The following ARSD variants were observed in gnomAD, a reference collection of about 807,000 sequenced individuals.
ARSD encodes arylsulfatase D.
ARSD carries 21 observed loss-of-function variants against 32.6 expected under a neutral mutation model. The observed-to-expected ratio is 0.64, with a 90% CI of 0.46 to 0.93. The LOEUF (loss-of-function observed/expected upper bound fraction) is 0.93, where lower values mean the gene tolerates loss of function less well. Among genes scored for constraint, ARSD ranks in the 40% least tolerant of loss-of-function variants. The probability of loss-of-function intolerance (pLI) is 0.00; values close to 1 mark genes in which losing one functional copy is unlikely to be tolerated. For missense variants in ARSD, 454 were observed against 520.9 expected (o/e 0.87, Z 1.25); for synonymous variants, 224 against 237.4 (o/e 0.94, Z 0.52).
chrX:2,908,679 T>C (rs2088876249), intron 9 of ARSD, 42 bp downstream of exon 9: 1 of 1,150,954 alleles, frequency 8.7e-7, no homozygotes, highest in African/African-American at 1.8e-5. Flanking sequence ...TCCTATTGGC[T>C]GTTTCTCTGG....
At chrX:2,928,401 C>T (rs1332803522) in intron 1 of ARSD, among the ~76,000 whole-genome samples, 1 of 87,635 alleles carries the variant, frequency 1.1e-5, no homozygotes, top group Non-Finnish European at 2.2e-5. Flanking sequence ...TTGGGGGAGT[C>T]ACAGCCGTGC....
intron 5 of ARSD, 137 bp downstream of exon 5, chrX:2,917,667 T>G: frequency 1.7e-6 from 1 of 578,526 alleles, no homozygotes; most frequent in Non-Finnish European, 2.7e-6. Flanking sequence ...AGAACCTGTC[T>G]TCCTATGTTG....
Position 2,915,747 on chromosome X carries a change from A to C in ARSD, c.864-55T>G. 3 of 1,119,407 alleles carry C rather than the reference A, an allele frequency of 2.7e-6. No individual in the cohort carries two copies. In the Admixed American group the frequency reaches 7.2e-5, roughly 27 times the overall value. 92.3% of individuals were successfully genotyped at this position (1,119,407 alleles called of 1,213,427 possible). A position where few individuals can be genotyped will look rare whatever the true frequency, so the allele number is the denominator to read the frequency against. ...ACAGAATATACAGTACACCAAAGGG[A>C]CCCCTGCACCCATACGTTCACTCCA... On this transcript the variant is annotated intron_variant, in intron 5 of 9. Transcript: ENST00000381154.
Position 2,907,071 on chromosome X carries a change from C to T in ARSD, c.*200G>A, listed in dbSNP as rs1449110986. On this transcript the variant is annotated 3_prime_UTR_variant, in exon 10 of 10. Transcript: ENST00000381154. ...GGCGGAGGTTGCAGTGAGCAGAGAT[C>T]GTGCCATTGCATTCCAGCCTGAGGG... 4 of 403,718 alleles carry T rather than the reference C, an allele frequency of 9.9e-6. No homozygotes were observed. Among genetic ancestry groups the T allele is most frequent in the African/African-American group, 2.5e-5 (1 of 39,574 alleles). 33.3% of individuals were successfully genotyped at this position (403,718 alleles called of 1,213,427 possible). A position where few individuals can be genotyped will look rare whatever the true frequency, so the allele number is the denominator to read the frequency against.
rs778698348 is a variant in ARSD, at chrX:2,917,998, G to C, written c.669C>G (p.Phe223Leu). The change falls in exon 5 of 10, where the codon TTC (phenylalanine) becomes TTG (leucine). Residue 223 changes from phenylalanine (F) to leucine (L), a missense_variant. This residue lies in a region of ARSD where 271 missense variants were observed against 301.0 expected (regional missense o/e 0.90). Coordinates refer to ENST00000381154, the MANE Select transcript of ARSD (RefSeq NM_001669.4). ...CGGTGACTGCTCTCGCGGAGACAGA[G>C]AAGAAACCGCAGGTCTGGCCGGCAG... ...TLAAGQTCGF[F>L]SVSARAVTGM... is the part of the protein sequence containing the mutation. 8.3e-7 allele frequency: 1 copy of C among 1,209,577 alleles called. No individual in the cohort carries two copies. The highest frequency in any genetic ancestry group is 3.0e-5 in the East Asian group (1 of 33,714).
At chrX:2,912,669 A>G (rs769477384) in intron 6 of ARSD, among the ~76,000 whole-genome samples, 58 of 111,724 alleles carry the variant, frequency 5.2e-4, no homozygotes, top group Non-Finnish European at 8.8e-4. Context: ...TTTTTTAAAC[A>G]TAGTGCCGTG....
chrX:2,922,842 C>CAAAAAAAAAA (rs60380048), intron 2 of ARSD, among the ~76,000 whole-genome samples: 23 of 43,712 alleles, frequency 5.3e-4, no homozygotes, highest in East Asian at 8.4e-4. Flanking sequence ...GACCGTGTCT[C>CAAAAAAAAAA]AAAAAAAAAA....
Position 2,914,818 on chromosome X carries a change from G to A in ARSD, c.1000+738C>T, listed in dbSNP as rs376903369. On this transcript the variant is annotated intron_variant, in intron 6 of 9. Coordinates refer to ENST00000381154, the MANE Select transcript of ARSD (RefSeq NM_001669.4). ...TGTGCAGAATTAGACCAAGTAATTG[G>A]GAATACTGAAGAAGCAAATAAATGA... The A allele has an allele frequency of 1.5e-4, 150 of 1,014,521 alleles. No homozygotes were observed. The African/African-American group carries it at 2.3e-3, about 16-fold the overall frequency. The allele number at this position is 1,014,521 out of a possible 1,213,427, so 83.6% of individuals were successfully genotyped here. A position where few individuals can be genotyped will look rare whatever the true frequency, so the allele number is the denominator to read the frequency against.
intron 7 of ARSD, among the ~76,000 whole-genome samples, chrX:2,910,446 G>A (rs183333373): frequency 1.8e-5 from 2 of 110,888 alleles, no homozygotes; most frequent in East Asian, 5.6e-4. Flanking sequence ...ATACCTCTCT[G>A]TATTCTACTA....
In ARSD at chrX:2,910,807, G is replaced by A; in HGVS notation, c.1001-14C>T. ...TAAGAACCTTACCTTTACAGAAAATGGAAAGTTTCAGGACCAAGAAAACAA... is the reference window on the plus strand; with the variant it reads ...TAAGAACCTTACCTTTACAGAAAATAGAAAGTTTCAGGACCAAGAAAACAA... On this transcript the variant is annotated splice_polypyrimidine_tract_variant and intron_variant, in intron 6 of 9. Coordinates refer to ENST00000381154, the MANE Select transcript of ARSD (RefSeq NM_001669.4). The A allele has an allele frequency of 8.3e-7, 1 of 1,204,652 alleles. No homozygotes were observed. Among genetic ancestry groups the A allele is most frequent in the Non-Finnish European group, 1.1e-6 (1 of 892,013 alleles).
rs777711001 is a variant in ARSD at position 2,919,469 on chromosome X, C to T, written c.439+1132G>A. ...AACCAGCAGACTGCCTGGTGCTTGGCGGCATAAACCAACATCTCCCTCCTT... is the reference window on the plus strand; with the variant it reads ...AACCAGCAGACTGCCTGGTGCTTGGTGGCATAAACCAACATCTCCCTCCTT... On this transcript the variant is annotated intron_variant, in intron 4 of 9. Transcript: ENST00000381154. Among the ~76,000 whole-genome samples, 368 of 108,249 alleles carry T rather than the reference C, an allele frequency of 3.4e-3. 1 individual carries two copies. Among genetic ancestry groups the T allele is most frequent in the African/African-American group, 0.012 (349 of 29,469 alleles). The allele number at this position is 108,249 out of a possible 115,157, so 94.0% of individuals were successfully genotyped here.
At chrX:2,924,002 C>T (rs1046617434) in intron 2 of ARSD, among the ~76,000 whole-genome samples, 3 of 112,218 alleles carry the variant, frequency 2.7e-5, no homozygotes, top group African/African-American at 9.7e-5. Context: ...TCAGGGTGTT[C>T]GAAAGGGGAT....
intron 6 of ARSD, chrX:2,914,495 C>A: frequency 1.1e-6 from 1 of 882,328 alleles, no homozygotes; most frequent in Non-Finnish European, 1.4e-6. Context: ...CTGCCTTAGC[C>A]TCCCAAAATG....
chrX:2,909,128 G>C (rs754849361), intron 8 of ARSD, among the ~76,000 whole-genome samples: 17 of 110,378 alleles, frequency 1.5e-4, no homozygotes, highest in African/African-American at 5.6e-4. Flanking sequence ...CTGTCACCTT[G>C]GAGGTCAACA....
At chrX:2,922,556 CG>C (rs1334707902) in intron 2 of ARSD, among the ~76,000 whole-genome samples, 16 of 109,435 alleles carry the variant, frequency 1.5e-4, no homozygotes, top group Admixed American at 1.4e-3. Flanking sequence ...CTGTGAGGGC[CG>C]GGCACGGTGG....
Position 2,922,018 on chromosome X carries a change from C to T in ARSD, c.201G>A (p.Pro67=), listed in dbSNP as rs751055343. ...GCYGNNTLRT[P]NIDQLAEEGV... ...CTTCCTCTGCAAGCTGGTCAATATTCGGCGTTCTGAGCAAAGCACACAAAT... is the reference window on the plus strand; with the variant it reads ...CTTCCTCTGCAAGCTGGTCAATATTTGGCGTTCTGAGCAAAGCACACAAAT... The change falls in exon 3 of 10, where the codon CCG becomes CCA. Residue 67 remains proline, a synonymous_variant. Transcript: ENST00000381154. 1.4e-5 allele frequency: 17 copies of T among 1,200,823 alleles called. No individual in the cohort carries two copies. The South Asian group carries it at 2.0e-4, about 14-fold the overall frequency.
In ARSD at chrX:2,922,005, G is replaced by T. The variant is rs1200347818; in HGVS notation, c.214C>A (p.Leu72Ile). ...GTGAGCCTCACACCTTCCTCTGCAAGCTGGTCAATATTCGGCGTTCTGAGC... is the reference window on the plus strand; with the variant it reads ...GTGAGCCTCACACCTTCCTCTGCAATCTGGTCAATATTCGGCGTTCTGAGC... Reference protein sequence around the residue: ...NTLRTPNIDQLAEEGVRLTQH... With the variant: ...NTLRTPNIDQIAEEGVRLTQH... Residue 72 changes from leucine (L) to isoleucine (I), a missense_variant, in exon 3 of 10, where the codon CTT (leucine) becomes ATT (isoleucine). Coordinates refer to ENST00000381154, the MANE Select transcript of ARSD (RefSeq NM_001669.4). 1 of 1,207,613 alleles carries T rather than the reference G, an allele frequency of 8.3e-7. No individual in the cohort carries two copies. The highest frequency in any genetic ancestry group is 2.2e-5 in the Admixed American group (1 of 45,743).
chrX:2,911,029 C>T (rs760474720), intron 6 of ARSD, among the ~76,000 whole-genome samples: 3 of 112,069 alleles, frequency 2.7e-5, no homozygotes, highest in Non-Finnish European at 3.8e-5. Flanking sequence ...GCCCCCCAAC[C>T]GACTGATGGA....
At position 2,905,360 on chromosome X, in the gene ARSD, G is replaced by T. The variant is rs1454440865; in HGVS notation, c.*1911C>A. 5.6e-6 allele frequency: 1 copy of T among 177,660 alleles called. No homozygotes were observed. The highest frequency in any genetic ancestry group is 1.0e-5 in the Non-Finnish European group (1 of 96,094). The allele number at this position is 177,660 out of a possible 1,213,427, so 14.6% of individuals were successfully genotyped here. On this transcript the variant is annotated 3_prime_UTR_variant, in exon 10 of 10. Transcript: ENST00000381154. ...CGATAGATGGACTGAGGGGAATAGT[G>T]CAAGGTCCTCCCATCCCCAGTATTG...
Sources: allele counts gnomAD v4.1 joint callset (sites outside exome capture counted in the v4.1 genomes callset), GRCh38; gene constraint gnomAD v4.1.1; regional missense constraint gnomAD v4.1.1; transcripts MANE v1.5; gene names NCBI Gene and HGNC (gene_info 2026-07-23, HGNC 2026-07-21).